The following BRIP1 variants were observed in gnomAD, a reference collection of about 807,000 sequenced individuals.
The protein encoded by BRIP1 is Fanconi anemia group J protein.
In BRIP1, 88 loss-of-function variants were observed where a neutral mutation model predicts 119.7. The observed-to-expected ratio is 0.74, with a 90% CI of 0.62 to 0.88. The LOEUF is 0.88. Among genes scored for constraint, BRIP1 ranks in the 40% least tolerant of loss-of-function variants. The pLI is 0.00. For missense variants in BRIP1, 1,259 were observed against 1,455.4 expected, an observed-to-expected ratio of 0.87 and a Z score of 2.20; for synonymous variants, 443 against 496.5, an observed-to-expected ratio of 0.89 and a Z score of 1.43.
At position 61,744,424 on chromosome 17, in the gene BRIP1, CCA is replaced by C. The variant is rs1255940179; in HGVS notation, c.2257+6_2257+7del. 2.5e-6 allele frequency: 4 copies of C among 1,612,934 alleles called. No homozygotes were observed. The highest frequency in any genetic ancestry group is 1.3e-5 in the African/African-American group (1 of 74,986). On this transcript the variant is annotated splice_donor_region_variant and intron_variant, in intron 15 of 19. Coordinates refer to ENST00000259008, the MANE Select transcript of BRIP1 (RefSeq NM_032043.3). This position sits in a 1 kb window ranked among gnomAD's most constrained non-coding sequence, Gnocchi z 5.0. ...TTTTTCACCGACCATGAAATAATTTCCAGTTACCTTTCTCTCCTTTGTATTTG... is the reference window on the plus strand; with the variant it reads ...TTTTTCACCGACCATGAAATAATTTCGTTACCTTTCTCTCCTTTGTATTTG...
rs143623288 is a variant in BRIP1 at position 61,709,723 on chromosome 17, A to G, written c.2492+6228T>C. On this transcript the variant is annotated intron_variant, in intron 17 of 19. Transcript: ENST00000259008. This position sits in a 1 kb window ranked among gnomAD's most constrained non-coding sequence, Gnocchi z 5.0. The stretch of plus-strand genomic sequence containing the variant: ...CTTAAATGAATTATGCCGGCTTGAG[A>G]CAAAGATTATACTTTCAGTAAAGCA... Among the ~76,000 whole-genome samples, 22 of 152,336 alleles carry G rather than the reference A, an allele frequency of 1.4e-4. No individual in the cohort carries two copies. The East Asian group carries it at 3.9e-3, about 27-fold the overall frequency.
chr17:61,745,783 C>T lies in BRIP1; in HGVS notation c.2098-1192G>A, dbSNP rs2077050823. Reference sequence around the variant, plus strand: ...CTCACAATTCGAAACATGTGGCATACAGCAATGGCAATACATGGAAATACA... The same window carrying T: ...CTCACAATTCGAAACATGTGGCATATAGCAATGGCAATACATGGAAATACA... On this transcript the variant is annotated intron_variant, in intron 14 of 19. Coordinates refer to ENST00000259008, the MANE Select transcript of BRIP1 (RefSeq NM_032043.3). This position sits in a 1 kb window ranked among gnomAD's most constrained non-coding sequence, Gnocchi z 4.4. Among the ~76,000 whole-genome samples, 2 of 152,042 alleles carry T rather than the reference C, an allele frequency of 1.3e-5. No homozygotes were observed. The highest frequency in any genetic ancestry group is 1.3e-4 in the Admixed American group (2 of 15,258).
Position 61,759,112 on chromosome 17 carries a change from CAT to C in BRIP1, c.2098-14523_2098-14522del, listed in dbSNP as rs1431298304. Among the ~76,000 whole-genome samples, 2 of 151,944 alleles carry C rather than the reference CAT, an allele frequency of 1.3e-5. No homozygotes were observed. The highest frequency in any genetic ancestry group is 2.9e-5 in the Non-Finnish European group (2 of 67,974). On this transcript the variant is annotated intron_variant, in intron 14 of 19. Transcript: ENST00000259008. The surrounding 1 kb of genome is among the most constrained non-coding windows in gnomAD (Gnocchi z 4.9). Reference sequence around the variant, plus strand: ...AATGAATTACACTCTAGCAAAAAGACATAGAGTCTTAATTCCCAGAGCAATTT... The same window carrying C: ...AATGAATTACACTCTAGCAAAAAGACAGAGTCTTAATTCCCAGAGCAATTT...
chr17:61,834,358 T>G lies in BRIP1; in HGVS notation c.627+12743A>C, dbSNP rs1009583224. Among the ~76,000 whole-genome samples the G allele has an allele frequency of 6.6e-6, 1 of 152,106 alleles. No individual in the cohort carries two copies. The highest frequency in any genetic ancestry group is 2.4e-5 in the African/African-American group (1 of 41,422). On this transcript the variant is annotated intron_variant, in intron 6 of 19. Coordinates refer to ENST00000259008, the MANE Select transcript of BRIP1 (RefSeq NM_032043.3). This position sits in a 1 kb window ranked among gnomAD's most constrained non-coding sequence, Gnocchi z 4.4. ...GGTTGAGCTCTGTACAACACCTGAT[T>G]GCAGGAGTGAGCCACCACGCTCGGC...
Position 61,695,335 on chromosome 17 carries a change from C to G in BRIP1, c.2493-1823G>C, listed in dbSNP as rs1303373683. On this transcript the variant is annotated intron_variant, in intron 17 of 19. Transcript: ENST00000259008. The surrounding 1 kb of genome is among the most constrained non-coding windows in gnomAD (Gnocchi z 4.3). ...TTGTTTATGGACCCTCAATTCTACC[C>G]ATTGATCTATACATCTGTCTTTATG... is the stretch of plus-strand genomic sequence containing the variant. Among the ~76,000 whole-genome samples the G allele has an allele frequency of 6.6e-6, 1 of 152,120 alleles. No individual in the cohort carries two copies. The highest frequency in any genetic ancestry group is 1.5e-5 in the Non-Finnish European group (1 of 67,982).
chr17:61,760,793 C>T lies in BRIP1; in HGVS notation c.2097+15608G>A, dbSNP rs1174079213. 6.6e-6 allele frequency among the ~76,000 whole-genome samples: 1 copy of T among 151,902 alleles called. No individual in the cohort carries two copies. The highest frequency in any genetic ancestry group is 1.5e-5 in the Non-Finnish European group (1 of 67,858). ...TTCCAATCAAAGAAAAGCCCAAGAC[C>T]TGTTGGCTCACTGCTGAATTCTACC... is the stretch of plus-strand genomic sequence containing the variant. On this transcript the variant is annotated intron_variant, in intron 14 of 19. Coordinates refer to ENST00000259008, the MANE Select transcript of BRIP1 (RefSeq NM_032043.3). This position sits in a 1 kb window ranked among gnomAD's most constrained non-coding sequence, Gnocchi z 4.6.
rs1375246225 is a variant in BRIP1, at chr17:61,752,793, A to G, written c.2098-8202T>C. Among the ~76,000 whole-genome samples the G allele has an allele frequency of 6.6e-6, 1 of 152,238 alleles. No homozygotes were observed. The highest frequency in any genetic ancestry group is 1.5e-5 in the Non-Finnish European group (1 of 68,038). ...TAACTGTAGAGAAAGAAAAGTGAAC[A>G]GATTATAAAAATACTTAAAATTAAA... On this transcript the variant is annotated intron_variant, in intron 14 of 19. Transcript: ENST00000259008. The surrounding 1 kb of genome is among the most constrained non-coding windows in gnomAD (Gnocchi z 6.2).
At position 61,681,188 on chromosome 17, in the gene BRIP1, A is replaced by G. The variant is rs2061265322; in HGVS notation, c.*2108T>C. ...ACACGTCGGGATTATGGGAACTACA[A>G]TTCAAGATGAGATCTGGCTGGGGAC... On this transcript the variant is annotated 3_prime_UTR_variant, in exon 20 of 20. Coordinates refer to ENST00000259008, the MANE Select transcript of BRIP1 (RefSeq NM_032043.3). The surrounding 1 kb of genome is among the most constrained non-coding windows in gnomAD (Gnocchi z 5.1). The G allele has an allele frequency of 5.3e-6, 1 of 187,202 alleles. No individual in the cohort carries two copies. The highest frequency in any genetic ancestry group is 2.6e-5 in the African/African-American group (1 of 38,014). 11.6% of individuals were successfully genotyped at this position (187,202 alleles called of 1,614,324 possible).
Position 61,841,017 on chromosome 17 carries a change from T to C in BRIP1, c.627+6084A>G, listed in dbSNP as rs1309190795. On this transcript the variant is annotated intron_variant, in intron 6 of 19. Coordinates refer to ENST00000259008, the MANE Select transcript of BRIP1 (RefSeq NM_032043.3). This position sits in a 1 kb window ranked among gnomAD's most constrained non-coding sequence, Gnocchi z 4.1. ...TGGTGCTGAGAACACTGGATGTCCA[T>C]ATGCAAAAGGAAAAAACTAGATCCC... Among the ~76,000 whole-genome samples, 14 of 152,218 alleles carry C rather than the reference T, an allele frequency of 9.2e-5. No homozygotes were observed. Among genetic ancestry groups the C allele is most frequent in the Non-Finnish European group, 1.5e-5 (1 of 68,014 alleles).
chr17:61,716,235 T>G (rs2061860738), intron 16 of BRIP1, among the ~76,000 whole-genome samples, 172 bp from the exon 17 acceptor site: 1 of 152,106 alleles, frequency 6.6e-6, no homozygotes, highest in African/African-American at 2.4e-5. Context: ...TAGCTTCACA[T>G]TCCTTAAATT....
chr17:61,765,411 A>T (rs2077350895), intron 14 of BRIP1, among the ~76,000 whole-genome samples: 2 of 14,238 alleles, frequency 1.4e-4, no homozygotes, highest in Non-Finnish European at 2.5e-4. Flanking sequence ...ATATATATAT[A>T]TATATATATA....
rs978097264 is a variant in BRIP1, at chr17:61,735,600, G to C, written c.2379+7413C>G. On this transcript the variant is annotated intron_variant, in intron 16 of 19. Coordinates refer to ENST00000259008, the MANE Select transcript of BRIP1 (RefSeq NM_032043.3). The surrounding 1 kb of genome is among the most constrained non-coding windows in gnomAD (Gnocchi z 4.4). ...GCTCAGGAGTTCGAGACCAGCCTGG[G>C]CAACATAGCAAGATCCTGCCTCTAC... Among the ~76,000 whole-genome samples the C allele has an allele frequency of 6.7e-6, 1 of 150,260 alleles. No homozygotes were observed. The highest frequency in any genetic ancestry group is 2.5e-5 in the African/African-American group (1 of 40,644).
chr17:61,848,801 C>T lies in BRIP1; in HGVS notation c.507+328G>A, dbSNP rs1229069539. Among the ~76,000 whole-genome samples, 1 of 152,028 alleles carries T rather than the reference C, an allele frequency of 6.6e-6. No homozygotes were observed. The highest frequency in any genetic ancestry group is 1.5e-5 in the Non-Finnish European group (1 of 67,994). ...AAGGTATTTTAGCCAAAAGGAAATGCTATTTTAAGATAAAAACAATGGAGG... is the reference window on the plus strand; with the variant it reads ...AAGGTATTTTAGCCAAAAGGAAATGTTATTTTAAGATAAAAACAATGGAGG... On this transcript the variant is annotated intron_variant, in intron 5 of 19. Coordinates refer to ENST00000259008, the MANE Select transcript of BRIP1 (RefSeq NM_032043.3). The surrounding 1 kb of genome is among the most constrained non-coding windows in gnomAD (Gnocchi z 4.3).
chr17:61,749,060 C>G (rs1161356433), intron 14 of BRIP1, among the ~76,000 whole-genome samples: 1 of 151,708 alleles, frequency 6.6e-6, no homozygotes, highest in Non-Finnish European at 1.5e-5. Context: ...TCGCTTGAAC[C>G]TGGGAGGCGG....
intron 16 of BRIP1, among the ~76,000 whole-genome samples, chr17:61,728,707 A>T (rs978961451): frequency 5.9e-5 from 9 of 152,186 alleles, no homozygotes; most frequent in African/African-American, 2.2e-4. Flanking sequence ...AAGACAGACA[A>T]ATCAAATTCC....
chr17:61,785,487 T>C (rs759982260), intron 10 of BRIP1, among the ~76,000 whole-genome samples: 2 of 151,948 alleles, frequency 1.3e-5, no homozygotes, highest in Non-Finnish European at 2.9e-5. Context: ...GGAAATAGGA[T>C]AAATAAGAAA....
In BRIP1 at chr17:61,808,497, C is replaced by G. The variant is rs876658249; in HGVS notation, c.888G>C (p.Glu296Asp). 1.9e-6 allele frequency: 3 copies of G among 1,613,822 alleles called. No individual in the cohort carries two copies. The highest frequency in any genetic ancestry group is 1.6e-4 in the Middle Eastern group (1 of 6,062). ...PEVVGNFNRN[E>D]KCMELLDGKN... ...TCCCATCTAGCAATTCCATGCACTT[C>G]TCATTTCTGTTGAAGTTACCGACTA... The change falls in exon 7 of 20, where the codon GAG becomes GAC. Residue 296 changes from glutamate to aspartate, a missense_variant. This residue lies in a region of BRIP1 where 501 missense variants were observed against 544.0 expected (regional missense o/e 0.92). Transcript: ENST00000259008. This position sits in a 1 kb window ranked among gnomAD's most constrained non-coding sequence, Gnocchi z 4.1.
chr17:61,715,229 T>C (rs886362944), intron 17 of BRIP1, among the ~76,000 whole-genome samples: 14 of 151,238 alleles, frequency 9.3e-5, no homozygotes, highest in African/African-American at 3.1e-4. Flanking sequence ...TAATTAATTA[T>C]TTTATTTTTT....
In BRIP1 at chr17:61,689,507, T is replaced by C. The variant is rs1377029198; in HGVS notation, c.2576-3342A>G. Among the ~76,000 whole-genome samples, 1 of 152,148 alleles carries C rather than the reference T, an allele frequency of 6.6e-6. No homozygotes were observed. Among genetic ancestry groups the C allele is most frequent in the Non-Finnish European group, 1.5e-5 (1 of 68,006 alleles). ...GAAAGAGAGAAAGGAGCAGAAAGCT[T>C]ATTTATAGAAATAATGACCGAAAAC... On this transcript the variant is annotated intron_variant, in intron 18 of 19. Coordinates refer to ENST00000259008, the MANE Select transcript of BRIP1 (RefSeq NM_032043.3). This position sits in a 1 kb window ranked among gnomAD's most constrained non-coding sequence, Gnocchi z 4.5.
Sources: allele counts gnomAD v4.1 joint callset (sites outside exome capture counted in the v4.1 genomes callset), GRCh38; gene constraint gnomAD v4.1.1; regional missense constraint gnomAD v4.1.1; non-coding constraint Gnocchi (gnomAD v3.1); transcripts MANE v1.5; gene names NCBI Gene and HGNC (gene_info 2026-07-23, HGNC 2026-07-21).